The following ADCY1 variants were observed in gnomAD, a reference collection of about 807,000 sequenced individuals.
ADCY1 encodes the protein adenylate cyclase 1, also known as adenylate cyclase type 1.
ADCY1 carries 28 observed loss-of-function variants against 105.4 expected under a neutral mutation model. That is an observed-to-expected ratio of 0.27 (90% confidence interval 0.20 to 0.36). ADCY1 has a LOEUF of 0.36. Ranked by LOEUF, ADCY1 falls within the 10% of genes least tolerant of loss-of-function variation. ADCY1 has a pLI of 1.00. For synonymous variants in ADCY1, 655 were observed against 623.8 expected (o/e 1.05, Z -0.75); for missense variants, 977 against 1,434.2 (o/e 0.68, Z 5.15).
chr7:45,660,810 GA>G (rs1264316206), intron 7 of ADCY1, among the ~76,000 whole-genome samples: 1 of 148,850 alleles, frequency 6.7e-6, no homozygotes, highest in Non-Finnish European at 1.5e-5. Flanking sequence ...TCAGGTGAGG[GA>G]TTCAGGGCTC....
At position 45,583,648 on chromosome 7, in the gene ADCY1, C is replaced by CT. The variant is rs1224676921; in HGVS notation, c.639+8475dup. Among the ~76,000 whole-genome samples, 6 of 151,266 alleles carry CT rather than the reference C, an allele frequency of 4.0e-5. No homozygotes were observed. The South Asian group carries it at 6.3e-4, about 16-fold the overall frequency. ...GCCACCTGGTGTTCTTTTCCCCCTT[C>CT]TTTTTTTTTGAGATGGAGTTTCGCT... On this transcript the variant is annotated intron_variant, in intron 1 of 19. Transcript: ENST00000297323.
intron 2 of ADCY1, 71 bp from the exon 3 acceptor site, chr7:45,610,308 G>A: frequency 4.3e-6 from 6 of 1,402,666 alleles, no homozygotes; most frequent in South Asian, 3.6e-5. Flanking sequence ...CCCTTACTGG[G>A]GAGGGTGAGG....
At chr7:45,682,590 G>A (rs112771836) in intron 11 of ADCY1, among the ~76,000 whole-genome samples, 281 of 152,278 alleles carry the variant, frequency 1.8e-3, no homozygotes, top group African/African-American at 6.5e-3. Flanking sequence ...CGGATAAGCT[G>A]CTTCTGCTTC....
At chr7:45,680,713 T>C (rs931857275) in intron 11 of ADCY1, 6 of 152,240 alleles carry the variant, frequency 3.9e-5, no homozygotes, top group Non-Finnish European at 7.3e-5. Context: ...TTTTAAAATT[T>C]ACCACTTCAA....
intron 11 of ADCY1, among the ~76,000 whole-genome samples, chr7:45,683,862 T>C (rs142105281): frequency 2.3e-4 from 35 of 152,332 alleles, no homozygotes; most frequent in African/African-American, 7.7e-4. Flanking sequence ...AGGATCTTGC[T>C]CTAAAATCCT....
chr7:45,624,294 T>C (rs1456183301), intron 4 of ADCY1, among the ~76,000 whole-genome samples: 1 of 151,486 alleles, frequency 6.6e-6, no homozygotes, highest in Non-Finnish European at 1.5e-5. Context: ...GGGAGAAAAC[T>C]TGGGAGCCTG....
At chr7:45,684,053 G>A (rs111537798) in intron 11 of ADCY1, among the ~76,000 whole-genome samples, 279 of 152,384 alleles carry the variant, frequency 1.8e-3, no homozygotes, top group African/African-American at 6.4e-3. Flanking sequence ...TGGGAGGGAA[G>A]TGCAGTGATT....
chr7:45,634,737 G>C (rs1402724664), intron 4 of ADCY1, among the ~76,000 whole-genome samples: 5 of 152,160 alleles, frequency 3.3e-5, no homozygotes, highest in Non-Finnish European at 7.4e-5. Flanking sequence ...CTCCTGATCA[G>C]TCATACAGTT....
chr7:45,667,111 G>T (rs1045185641), intron 8 of ADCY1, among the ~76,000 whole-genome samples: 2 of 152,162 alleles, frequency 1.3e-5, no homozygotes, highest in African/African-American at 4.8e-5. Context: ...TTCTTTTGCT[G>T]TGCAGAAGCT....
In ADCY1 at chr7:45,721,743, C is replaced by G. The variant is rs1785477194; in HGVS notation, c.*7748C>G. 1 of 398,486 alleles carries G rather than the reference C, an allele frequency of 2.5e-6. No homozygotes were observed. 24.7% of individuals were successfully genotyped at this position (398,486 alleles called of 1,614,324 possible). On this transcript the variant is annotated 3_prime_UTR_variant, in exon 20 of 20. Coordinates refer to ENST00000297323, the MANE Select transcript of ADCY1 (RefSeq NM_021116.4). ...CCGATTTCAGCAGGAGTTCAGAGGG[C>G]TTATGATGGATGGTGAGAGATTTGA...
intron 2 of ADCY1, among the ~76,000 whole-genome samples, chr7:45,595,196 T>C (rs1793038281): frequency 6.6e-6 from 1 of 152,230 alleles, no homozygotes; most frequent in South Asian, 2.1e-4. Flanking sequence ...TGATGTCTGC[T>C]TATACTCTGC....
At chr7:45,644,194 G>A (rs1271639448) in intron 4 of ADCY1, among the ~76,000 whole-genome samples, 2 of 152,168 alleles carry the variant, frequency 1.3e-5, no homozygotes, top group African/African-American at 4.8e-5. Context: ...GATGCAGTGT[G>A]CGAGTCCATG....
At position 45,703,743 on chromosome 7, in the gene ADCY1, C is replaced by T. The variant is rs557633250; in HGVS notation, c.2715C>T (p.Asp905=). The stretch of plus-strand genomic sequence containing the variant: ...TCAACGAGATCATCGCCGACTTTGA[C>T]GAGGTGAGGCTGTGCGTCGCCATCC... ...RLLNEIIADF[D]ELMEKDFYKD... is the part of the protein sequence containing the mutation. The change falls in exon 16 of 20, where the codon GAC becomes GAT. Residue 905 remains aspartate (D), a synonymous_variant. Transcript: ENST00000297323. This position sits in a 1 kb window ranked among gnomAD's most constrained non-coding sequence, Gnocchi z 5.9. 5.1e-5 allele frequency: 80 copies of T among 1,575,362 alleles called. No individual in the cohort carries two copies. Among genetic ancestry groups the T allele is most frequent in the Middle Eastern group, 1.7e-4 (1 of 5,888 alleles).
At chr7:45,595,466 C>T (rs1399054416) in intron 2 of ADCY1, among the ~76,000 whole-genome samples, 1 of 152,210 alleles carries the variant, frequency 6.6e-6, no homozygotes, top group Non-Finnish European at 1.5e-5. Flanking sequence ...GTTTCCCCTG[C>T]CCCTTTCCGT....
intron 1 of ADCY1, among the ~76,000 whole-genome samples, chr7:45,589,963 TG>T (rs1792859515): frequency 6.6e-6 from 1 of 152,020 alleles, no homozygotes; most frequent in Non-Finnish European, 1.5e-5. Context: ...CCCATTCTCG[TG>T]AGGACAGATT....
chr7:45,707,968 C>T (rs984180491), intron 17 of ADCY1, among the ~76,000 whole-genome samples: 4 of 152,184 alleles, frequency 2.6e-5, no homozygotes, highest in Non-Finnish European at 5.9e-5. Context: ...GACGATGTAG[C>T]CTCAATCTCA....
intron 14 of ADCY1, among the ~76,000 whole-genome samples, chr7:45,696,575 G>A (rs1389939477): frequency 6.6e-6 from 1 of 152,122 alleles, no homozygotes; most frequent in Non-Finnish European, 1.5e-5. Flanking sequence ...TGCCTGGCTA[G>A]TTGTTGTGGA....
At chr7:45,613,207 G>T (rs1015692958) in intron 3 of ADCY1, among the ~76,000 whole-genome samples, 1 of 152,156 alleles carries the variant, frequency 6.6e-6, no homozygotes, top group African/African-American at 2.4e-5. Flanking sequence ...AATAATGCAT[G>T]AACAAAGTGA....
chr7:45,694,990 GTCCTC>G (rs1784852648), intron 14 of ADCY1, among the ~76,000 whole-genome samples: 1 of 152,222 alleles, frequency 6.6e-6, no homozygotes. Context: ...AGAACACTGT[GTCCTC>G]TCTGGTATTT....
Sources: gnomAD v4.1 joint callset for allele counts (sites outside exome capture counted in the v4.1 genomes callset) on GRCh38, gnomAD v4.1.1 for gene constraint, Gnocchi (gnomAD v3.1) non-coding constraint, MANE v1.5 for transcripts, NCBI Gene and HGNC (gene_info 2026-07-23, HGNC 2026-07-21) for gene names.